Variants in PTCHD4 observed in about 807,000 individuals in gnomAD.
PTCHD4 encodes patched domain containing 4.
PTCHD4 carries 33 observed loss-of-function variants against 58.1 expected under a neutral mutation model. The observed-to-expected ratio is 0.57, with a 90% CI of 0.43 to 0.76. The LOEUF is 0.76. Ranked by LOEUF, PTCHD4 falls within the 30% of genes least tolerant of loss-of-function variation. PTCHD4 has a pLI of 0.00. For missense variants in PTCHD4, 1,058 were observed against 1,027.1 expected, an observed-to-expected ratio of 1.03 and a Z score of -0.41; for synonymous variants, 478 against 409.6, an observed-to-expected ratio of 1.17 and a Z score of -2.02.
chr6:48,110,691 G>T (rs1765852809), intron 1 of PTCHD4, among the ~76,000 whole-genome samples: 1 of 150,026 alleles, frequency 6.7e-6, no homozygotes, highest in Admixed American at 6.7e-5. Flanking sequence ...TGAAGTGATA[G>T]ATATTAATAG....
intron 4 of PTCHD4, among the ~76,000 whole-genome samples, chr6:47,995,848 G>A (rs76144376): frequency 0.042 from 6,332 of 152,194 alleles, 168 homozygotes; most frequent in Admixed American, 0.075. Flanking sequence ...TTTGATGGAC[G>A]TGCAGCCACC....
intron 4 of PTCHD4, among the ~76,000 whole-genome samples, chr6:47,888,632 TTTG>T (rs1764273175): frequency 7.1e-6 from 1 of 141,414 alleles, no homozygotes; most frequent in Non-Finnish European, 1.6e-5. Flanking sequence ...TTTGTAGTTT[TTTG>T]TTTGTTTGTT....
intron 4 of PTCHD4, among the ~76,000 whole-genome samples, chr6:47,997,913 A>C (rs1768564410): frequency 6.6e-6 from 1 of 152,190 alleles, no homozygotes. Context: ...ACTAGGTATG[A>C]TAATACTGGC....
At chr6:48,005,782 A>G (rs1057053205) in intron 4 of PTCHD4, among the ~76,000 whole-genome samples, 16 of 152,374 alleles carry the variant, frequency 1.1e-4, no homozygotes, top group African/African-American at 3.8e-4. Flanking sequence ...AACTTCAAAG[A>G]TGAAACAAAT....
At chr6:48,062,467 T>G (rs1764664407) in intron 3 of PTCHD4, among the ~76,000 whole-genome samples, 1 of 151,894 alleles carries the variant, frequency 6.6e-6, no homozygotes, top group Non-Finnish European at 1.5e-5. Context: ...ACCCCCCACT[T>G]TTTTTTAACC....
chr6:47,903,682 G>A (rs1416010041), intron 4 of PTCHD4, among the ~76,000 whole-genome samples: 2 of 152,094 alleles, frequency 1.3e-5, no homozygotes, highest in Admixed American at 6.6e-5. Flanking sequence ...ACAGTTCTAG[G>A]CATTAAGAAT....
At chr6:48,062,437 A>C (rs1261518723) in intron 3 of PTCHD4, among the ~76,000 whole-genome samples, 1 of 152,146 alleles carries the variant, frequency 6.6e-6, no homozygotes, top group Non-Finnish European at 1.5e-5. Context: ...AGAAGAATGG[A>C]GAGAACGCTT....
intron 1 of PTCHD4, among the ~76,000 whole-genome samples, chr6:48,100,275 A>G (rs1009754384): frequency 8.5e-5 from 13 of 152,214 alleles, no homozygotes; most frequent in African/African-American, 1.7e-4. Flanking sequence ...ATTTTAATGT[A>G]AGTCACTAAG....
intron 4 of PTCHD4, among the ~76,000 whole-genome samples, chr6:47,977,644 T>C (rs1206719184): frequency 6.6e-6 from 1 of 152,254 alleles, no homozygotes; most frequent in Non-Finnish European, 1.5e-5. Context: ...ATAATTGCTA[T>C]TGTTTTATGC....
chr6:48,108,500 C>T (rs1175067155), intron 1 of PTCHD4, among the ~76,000 whole-genome samples: 1 of 151,716 alleles, frequency 6.6e-6, no homozygotes, highest in Admixed American at 6.6e-5. Flanking sequence ...ATACCTAATG[C>T]TAAATGATGA....
At chr6:48,045,835 C>T (rs1210304815) in intron 3 of PTCHD4, among the ~76,000 whole-genome samples, 1 of 151,004 alleles carries the variant, frequency 6.6e-6, no homozygotes, top group Non-Finnish European at 1.5e-5. Flanking sequence ...GACTTTAACG[C>T]ATCTTCATTC....
Position 48,069,303 on chromosome 6 carries a change from T to C in PTCHD4, c.-346A>G, listed in dbSNP as rs184515412. 5.9e-5 allele frequency among the ~76,000 whole-genome samples: 9 copies of C among 152,054 alleles called. No homozygotes were observed. In the East Asian group the frequency reaches 1.7e-3, roughly 29 times the overall value. ...TGGAGTGAATTGAAGAGGAAATAAA[T>C]GGTGAAGGTGCTGCTGGCCCATTGG... is the stretch of plus-strand genomic sequence containing the variant. On this transcript the variant is annotated 5_prime_UTR_variant, in exon 2 of 5. Transcript: ENST00000339488.
chr6:47,993,651 G>A (rs1768364613), intron 4 of PTCHD4, among the ~76,000 whole-genome samples: 2 of 152,162 alleles, frequency 1.3e-5, no homozygotes, highest in Non-Finnish European at 2.9e-5. Flanking sequence ...GGTTGGTAGA[G>A]AGTAGAATCC....
At position 47,863,830 on chromosome 6, in the gene PTCHD4, A is replaced by G. The variant is rs567258158; in HGVS notation, c.*14473T>C. On this transcript the variant is annotated 3_prime_UTR_variant, in exon 5 of 5. Transcript: ENST00000339488. ...GTCCAGAGCAACTTATTACAAATAG[A>G]GATTACTAAGGCCATCCCTTCAAGA... Among the ~76,000 whole-genome samples, 16 of 152,116 alleles carry G rather than the reference A, an allele frequency of 1.1e-4. No individual in the cohort carries two copies. In the South Asian group the frequency reaches 3.3e-3, roughly 31 times the overall value.
chr6:47,962,112 T>C (rs1056789759), intron 4 of PTCHD4, among the ~76,000 whole-genome samples: 9 of 152,136 alleles, frequency 5.9e-5, no homozygotes, highest in African/African-American at 1.9e-4. Flanking sequence ...TTAATTATAA[T>C]AAGAGAATAT....
intron 3 of PTCHD4, among the ~76,000 whole-genome samples, chr6:48,015,103 T>A (rs1330122776): frequency 6.6e-6 from 1 of 150,598 alleles, no homozygotes; most frequent in Non-Finnish European, 1.5e-5. Flanking sequence ...TAAATCACCT[T>A]TATGTCCCAA....
intron 3 of PTCHD4, among the ~76,000 whole-genome samples, chr6:48,052,732 A>G (rs1764275949): frequency 1.3e-5 from 2 of 152,104 alleles, no homozygotes; most frequent in African/African-American, 4.8e-5. Flanking sequence ...TATTTAATAT[A>G]AAGGTGATAA....
intron 1 of PTCHD4, among the ~76,000 whole-genome samples, chr6:48,087,844 C>T (rs931400874): frequency 1.3e-5 from 2 of 152,126 alleles, no homozygotes; most frequent in African/African-American, 4.8e-5. Flanking sequence ...AAGGGTCAGT[C>T]ATTTTATCTA....
In PTCHD4 at chr6:48,008,921, T is replaced by C. The variant is rs1762568749; in HGVS notation, c.611A>G (p.Glu204Gly). 2.5e-6 allele frequency: 4 copies of C among 1,613,810 alleles called. No homozygotes were observed. Among genetic ancestry groups the C allele is most frequent in the Non-Finnish European group, 3.4e-6 (4 of 1,179,814 alleles). The change falls in exon 4 of 5, where the codon GAG becomes GGG. Residue 204 changes from glutamate (E) to glycine (G), a missense_variant. Physicochemically the swap from Glu to Gly is moderately conservative, Grantham distance 98 (BLOSUM62 -2). Transcript: ENST00000339488. Reference protein sequence around the residue: ...EFCKLIRKLQEEHQELQLYSL... With the variant: ...EFCKLIRKLQGEHQELQLYSL... ...GTAGAGCTGGAGTTCTTGATGCTCC[T>C]CCTGGAGCTTCCTTATAAGCTTACA...
Sources: gnomAD v4.1 joint callset for allele counts (sites outside exome capture counted in the v4.1 genomes callset) on GRCh38, gnomAD v4.1.1 for gene constraint, MANE v1.5 for transcripts, NCBI Gene and HGNC (gene_info 2026-07-23, HGNC 2026-07-21) for gene names.